LSM14B: variants seen among roughly 807,000 people sequenced by gnomAD.
LSM14B encodes protein LSM14 homolog B.
A neutral mutation model predicts 42.1 loss-of-function variants in LSM14B; 8 were observed. The ratio of observed to expected loss-of-function variants is 0.19; its 90% CI spans 0.11 to 0.34. LSM14B has a LOEUF of 0.34. LSM14B is among the 10% of genes least tolerant of loss of function. The pLI is 1.00. For missense variants in LSM14B, 396 were observed against 513.1 expected, an observed-to-expected ratio of 0.77 and a Z score of 2.21; for synonymous variants, 219 against 209.7, an observed-to-expected ratio of 1.04 and a Z score of -0.38.
rs1473136480 is a variant in LSM14B, at chr20:62,134,219, G to A, written c.*71G>A. ...GTGTGTGTCAGGACGCGAGGAAAAC[G>A]CTGCACTTACAGGGAGAGGTGGTCA... On this transcript the variant is annotated 3_prime_UTR_variant, in exon 9 of 9. Transcript: ENST00000279068. 8.5e-6 allele frequency: 4 copies of A among 471,378 alleles called. No individual in the cohort carries two copies. The highest frequency in any genetic ancestry group is 1.3e-5 in the Non-Finnish European group (3 of 227,082). 29.2% of individuals were successfully genotyped at this position (471,378 alleles called of 1,614,324 possible).
chr20:62,126,209 C>T lies in LSM14B; in HGVS notation c.292-95C>T, dbSNP rs74763052. On this transcript the variant is annotated intron_variant, in intron 2 of 8. Coordinates refer to ENST00000279068, the MANE Select transcript of LSM14B (RefSeq NM_144703.3). ...ATCTCAAGGGTGCAGGCTGATGGGA[C>T]GGTGCTTGTTTCCCAGCTGAACAAG... 2.5e-3 allele frequency: 3,874 copies of T among 1,572,550 alleles called. 87 individuals carry two copies. The African/African-American group carries it at 0.043, about 17-fold the overall frequency.
In LSM14B at chr20:62,130,850, C is replaced by A. The variant is rs1219695517; in HGVS notation, c.835+159C>A. Among the ~76,000 whole-genome samples the A allele has an allele frequency of 6.6e-6, 1 of 152,086 alleles. No homozygotes were observed. Among genetic ancestry groups the A allele is most frequent in the Non-Finnish European group, 1.5e-5 (1 of 68,028 alleles). On this transcript the variant is annotated intron_variant, in intron 6 of 8. Transcript: ENST00000279068. The surrounding 1 kb of genome is among the most constrained non-coding windows in gnomAD (Gnocchi z 4.1). ...CCTGAGGTCAGGAGTTCAACACCAG[C>A]CTGGCCAACACAATGAAACCCCATC...
Position 62,124,698 on chromosome 20 carries a change from G to C in LSM14B, c.209G>C (p.Arg70Pro). The C allele has an allele frequency of 6.2e-7, 1 of 1,613,874 alleles. No individual in the cohort carries two copies. The change falls in exon 2 of 9, where the codon CGA (arginine) becomes CCA (proline). Residue 70 changes from arginine to proline, a missense_variant. This residue lies in a region of LSM14B where 274 missense variants were observed against 335.8 expected (regional missense o/e 0.82). Coordinates refer to ENST00000279068, the MANE Select transcript of LSM14B (RefSeq NM_144703.3). ...REEIYEYIIFRGSDIKDITVC... is the reference protein window; with the variant it reads ...REEIYEYIIFPGSDIKDITVC... The stretch of plus-strand genomic sequence containing the variant: ...GAGATTTATGAGTACATCATTTTCC[G>C]AGGAAGTGACATCAAGGATATCACT...
rs142385611 is a variant in LSM14B, at chr20:62,132,639, G to A, written c.987-651G>A. Among the ~76,000 whole-genome samples the A allele has an allele frequency of 4.9e-3, 753 of 152,310 alleles. 2 individuals carry two copies. Among genetic ancestry groups the A allele is most frequent in the Non-Finnish European group, 7.9e-3 (537 of 68,036 alleles). ...AGTCTTTTGGCCTGGGCGGCTGATG[G>A]GTGGAGTTGCTGTTTCTTTGAACAC... is the stretch of plus-strand genomic sequence containing the variant. On this transcript the variant is annotated intron_variant, in intron 7 of 8. Coordinates refer to ENST00000279068, the MANE Select transcript of LSM14B (RefSeq NM_144703.3).
intron 2 of LSM14B, chr20:62,126,087 A>C (rs1456182448): frequency 1.5e-6 from 1 of 648,572 alleles, no homozygotes; most frequent in Admixed American, 2.8e-5. Context: ...CAAAACAAAA[A>C]AAGGAATTAC....
chr20:62,126,499 C>A, intron 3 of LSM14B, 60 bp downstream of exon 3: 2 of 1,578,520 alleles, frequency 1.3e-6, no homozygotes, highest in East Asian at 2.3e-5. Flanking sequence ...CTGAGTGGAG[C>A]GATGGAGCCT....
In LSM14B at chr20:62,133,547, G is replaced by C. The variant is rs1044613824; in HGVS notation, c.*14+72G>C. The C allele has an allele frequency of 1.1e-5, 16 of 1,511,298 alleles. No individual in the cohort carries two copies. In the Admixed American group the frequency reaches 1.2e-4, roughly 11 times the overall value. The allele number at this position is 1,511,298 out of a possible 1,614,324, so 93.6% of individuals were successfully genotyped here. ...CAGGCACACCTGGAGAGCTTAGGAA[G>C]GTGGGGAGCAGGCTCGGTTTCCCAG... is the stretch of plus-strand genomic sequence containing the variant. On this transcript the variant is annotated intron_variant, in intron 8 of 8. Transcript: ENST00000279068.
At chr20:62,133,504 G>T in intron 8 of LSM14B, 29 bp downstream of exon 8, 1 of 1,598,328 alleles carries the variant, frequency 6.3e-7, no homozygotes, top group Non-Finnish European at 8.5e-7. Context: ...TGGACGCTTT[G>T]GTGGGAGGGT....
intron 2 of LSM14B, 27 bp downstream of exon 2, chr20:62,124,807 A>C: frequency 6.3e-7 from 1 of 1,599,102 alleles, no homozygotes; most frequent in Non-Finnish European, 8.5e-7. Context: ...CCCTCTGTGC[A>C]TGCTGTAGGA....
intron 3 of LSM14B, among the ~76,000 whole-genome samples, chr20:62,128,264 C>T (rs528421554): frequency 4.6e-5 from 7 of 152,354 alleles, no homozygotes; most frequent in East Asian, 1.9e-4. Context: ...TCTTTTCTCA[C>T]GTTCTACTCA....
intron 7 of LSM14B, among the ~76,000 whole-genome samples, chr20:62,131,888 A>G (rs1476145685): frequency 6.6e-6 from 1 of 152,216 alleles, no homozygotes; most frequent in African/African-American, 2.4e-5. Context: ...TATGGCTAGA[A>G]CGTGCTCACA....
intron 2 of LSM14B, 51 bp downstream of exon 2, chr20:62,124,831 A>C (rs1454944490): frequency 1.3e-6 from 2 of 1,546,334 alleles, no homozygotes; most frequent in Non-Finnish European, 1.8e-6. Flanking sequence ...GCTGGTTTCC[A>C]TTTGGAGCTT....
intron 2 of LSM14B, among the ~76,000 whole-genome samples, chr20:62,125,875 CAT>C (rs2056581076): frequency 6.6e-6 from 1 of 152,166 alleles, no homozygotes; most frequent in African/African-American, 2.4e-5. Context: ...GCTTGGCCAA[CAT>C]AGCAAAACCG....
chr20:62,125,685 T>C (rs1028688223), intron 2 of LSM14B, among the ~76,000 whole-genome samples: 1 of 152,262 alleles, frequency 6.6e-6, no homozygotes, highest in African/African-American at 2.4e-5. Flanking sequence ...GGTTCTGTGC[T>C]GAGCACCCAT....
chr20:62,127,535 G>A (rs919491797), intron 3 of LSM14B: 3 of 1,301,834 alleles, frequency 2.3e-6, no homozygotes, highest in Non-Finnish European at 3.3e-6. Flanking sequence ...AGTGTATCCT[G>A]ACTTATTTGT....
In LSM14B at chr20:62,130,374, C is replaced by T; in HGVS notation, c.673+78C>T. 6.5e-7 allele frequency: 1 copy of T among 1,538,634 alleles called. No homozygotes were observed. The highest frequency in any genetic ancestry group is 1.2e-5 in the South Asian group (1 of 83,914). On this transcript the variant is annotated intron_variant, in intron 5 of 8. Transcript: ENST00000279068. The surrounding 1 kb of genome is among the most constrained non-coding windows in gnomAD (Gnocchi z 4.1). ...TCTGCTTGCCCTCCTGCCTGCTTCT[C>T]TGGTTGACGGTTTCAGGGGTGCTGG...
At position 62,134,218 on chromosome 20, in the gene LSM14B, C is replaced by T. The variant is rs187047568; in HGVS notation, c.*70C>T. 59 of 471,404 alleles carry T rather than the reference C, an allele frequency of 1.3e-4. No homozygotes were observed. Among genetic ancestry groups the T allele is most frequent in the Non-Finnish European group, 2.4e-4 (54 of 227,024 alleles). 29.2% of individuals were successfully genotyped at this position (471,404 alleles called of 1,614,324 possible). A position where few individuals can be genotyped will look rare whatever the true frequency, so the allele number is the denominator to read the frequency against. Reference sequence around the variant, plus strand: ...TGTGTGTGTCAGGACGCGAGGAAAACGCTGCACTTACAGGGAGAGGTGGTC... The same window carrying T: ...TGTGTGTGTCAGGACGCGAGGAAAATGCTGCACTTACAGGGAGAGGTGGTC... On this transcript the variant is annotated 3_prime_UTR_variant, in exon 9 of 9. Coordinates refer to ENST00000279068, the MANE Select transcript of LSM14B (RefSeq NM_144703.3).
Position 62,122,611 on chromosome 20 carries a change from G to A in LSM14B, c.-56G>A. 9.2e-7 allele frequency: 1 copy of A among 1,082,850 alleles called. No homozygotes were observed. Among genetic ancestry groups the A allele is most frequent in the Non-Finnish European group, 1.1e-6 (1 of 885,664 alleles). The allele number at this position is 1,082,850 out of a possible 1,614,324, so 67.1% of individuals were successfully genotyped here. ...CCAGGCCACCGCGCGGCGGCGGAGC[G>A]GGCCGCGGCCCGGCGCTCCTTCCCC... On this transcript the variant is annotated 5_prime_UTR_variant, in exon 1 of 9. Coordinates refer to ENST00000279068, the MANE Select transcript of LSM14B (RefSeq NM_144703.3). This position sits in a 1 kb window ranked among gnomAD's most constrained non-coding sequence, Gnocchi z 4.6.
chr20:62,128,804 C>T lies in LSM14B; in HGVS notation c.428-981C>T, dbSNP rs1485362749. 6 of 529,378 alleles carry T rather than the reference C, an allele frequency of 1.1e-5. No homozygotes were observed. In the South Asian group the frequency reaches 1.2e-4, roughly 10 times the overall value. 32.8% of individuals were successfully genotyped at this position (529,378 alleles called of 1,614,324 possible). On this transcript the variant is annotated intron_variant, in intron 3 of 8. Coordinates refer to ENST00000279068, the MANE Select transcript of LSM14B (RefSeq NM_144703.3). ...TTGAGAGCTTCTCTTGATCTGGTTA[C>T]AAGGAATTTTTCTACAGTCAATTTT...
Sources: gnomAD v4.1 joint callset for allele counts (sites outside exome capture counted in the v4.1 genomes callset) on GRCh38, gnomAD v4.1.1 for gene constraint, gnomAD v4.1.1 regional missense constraint, Gnocchi (gnomAD v3.1) non-coding constraint, MANE v1.5 for transcripts, NCBI Gene and HGNC (gene_info 2026-07-23, HGNC 2026-07-21) for gene names.